Variants in SLIT3 observed in about 807,000 individuals in gnomAD.
The protein encoded by SLIT3 is slit homolog 3 protein.
In SLIT3, 68 loss-of-function variants were observed where a neutral mutation model predicts 184.0. The ratio of observed to expected loss-of-function variants is 0.37; its 90% CI spans 0.30 to 0.45. The LOEUF (loss-of-function observed/expected upper bound fraction) is 0.45. SLIT3 is among the 20% of genes least tolerant of loss of function. SLIT3 has a pLI of 1.00. For missense variants in SLIT3, 1,707 were observed against 2,026.0 expected (o/e 0.84, Z 3.02); for synonymous variants, 831 against 828.6 (o/e 1.00, Z -0.05).
chr5:168,953,004 C>T (rs543869668), intron 4 of SLIT3, among the ~76,000 whole-genome samples: 11 of 152,218 alleles, frequency 7.2e-5, no homozygotes, highest in Admixed American at 1.3e-4. Context: ...TTGCTGAGGA[C>T]GGGTCGGGGA....
intron 1 of SLIT3, among the ~76,000 whole-genome samples, chr5:169,299,693 T>G (rs1767622424): frequency 6.6e-6 from 1 of 152,050 alleles, no homozygotes; most frequent in Non-Finnish European, 1.5e-5. Context: ...ATATGAAAAG[T>G]AAATATTTGG....
At chr5:169,049,127 G>A (rs1375254977) in intron 4 of SLIT3, among the ~76,000 whole-genome samples, 1 of 152,220 alleles carries the variant, frequency 6.6e-6, no homozygotes, top group African/African-American at 2.4e-5. Context: ...CAAGACCTAT[G>A]TCACATGAGC....
chr5:169,097,254 C>G (rs1405246023), intron 4 of SLIT3, among the ~76,000 whole-genome samples: 1 of 152,192 alleles, frequency 6.6e-6, no homozygotes, highest in Non-Finnish European at 1.5e-5. Flanking sequence ...CTCTCTCTGC[C>G]TAGAAATCCT....
At chr5:168,906,543 G>A (rs1017694368) in intron 4 of SLIT3, among the ~76,000 whole-genome samples, 2 of 152,184 alleles carry the variant, frequency 1.3e-5, no homozygotes, top group African/African-American at 2.4e-5. Context: ...GAATGCAAGT[G>A]CATCAGAAAA....
At chr5:168,784,332 T>C (rs572146516) in intron 12 of SLIT3, among the ~76,000 whole-genome samples, 3 of 152,112 alleles carry the variant, frequency 2.0e-5, no homozygotes, top group Non-Finnish European at 2.9e-5. Flanking sequence ...TTCTAACACA[T>C]AGCCTTAAAA....
chr5:169,254,854 T>A (rs1026583418), intron 1 of SLIT3, among the ~76,000 whole-genome samples: 3 of 152,214 alleles, frequency 2.0e-5, no homozygotes, highest in Non-Finnish European at 4.4e-5. Flanking sequence ...CACCATCTGG[T>A]TATAACTTAT....
chr5:169,097,356 T>C (rs1759827303), intron 4 of SLIT3, among the ~76,000 whole-genome samples: 1 of 150,296 alleles, frequency 6.7e-6, no homozygotes, highest in African/African-American at 2.5e-5. Context: ...GGAAGATGGA[T>C]AGATAAATGG....
intron 4 of SLIT3, among the ~76,000 whole-genome samples, chr5:168,970,228 G>A (rs2113318909): frequency 6.6e-6 from 1 of 151,936 alleles, no homozygotes; most frequent in African/African-American, 2.4e-5. Context: ...AGGCGTGGTG[G>A]CTGACACCTG....
intron 4 of SLIT3, among the ~76,000 whole-genome samples, chr5:168,950,427 T>C (rs991209775): frequency 6.6e-6 from 1 of 152,226 alleles, no homozygotes; most frequent in Admixed American, 6.5e-5. Flanking sequence ...TGCATGTTAA[T>C]ATATAGAGCA....
At position 168,873,109 on chromosome 5, in the gene SLIT3, T is replaced by C. The variant is rs545538065; in HGVS notation, c.485+10156A>G. ...TCTGCTGTTTCCTTCCAGGCATCCCTCCATGCTCACCAAATCTCAGGGTTT... is the reference window on the plus strand; with the variant it reads ...TCTGCTGTTTCCTTCCAGGCATCCCCCCATGCTCACCAAATCTCAGGGTTT... On this transcript the variant is annotated intron_variant, in intron 5 of 35. Transcript: ENST00000519560. 3.9e-4 allele frequency among the ~76,000 whole-genome samples: 59 copies of C among 152,236 alleles called. No individual in the cohort carries two copies. In the Middle Eastern group the frequency reaches 0.014, roughly 35 times the overall value.
chr5:169,123,766 G>T (rs1026389892), intron 4 of SLIT3, among the ~76,000 whole-genome samples: 2 of 152,236 alleles, frequency 1.3e-5, no homozygotes, highest in Admixed American at 1.3e-4. Context: ...CCAAGAGGTG[G>T]AAGGGGTCCA....
intron 4 of SLIT3, among the ~76,000 whole-genome samples, chr5:169,020,033 A>G (rs1031512193): frequency 3.3e-5 from 5 of 152,216 alleles, no homozygotes; most frequent in Admixed American, 1.3e-4. Context: ...TTTTTGTAAT[A>G]AAGTTTTATC....
intron 1 of SLIT3, among the ~76,000 whole-genome samples, chr5:169,258,189 C>A (rs937946375): frequency 2.0e-5 from 3 of 152,142 alleles, no homozygotes; most frequent in African/African-American, 4.8e-5. Context: ...TGAACCTGGG[C>A]TCTCTGAATG....
intron 4 of SLIT3, among the ~76,000 whole-genome samples, chr5:168,961,703 T>C (rs1410912571): frequency 6.6e-6 from 1 of 152,056 alleles, no homozygotes; most frequent in East Asian, 1.9e-4. Flanking sequence ...TTAGTAGAAT[T>C]GGTAAAAAGC....
intron 4 of SLIT3, among the ~76,000 whole-genome samples, chr5:169,033,300 A>G (rs532974386): frequency 6.6e-6 from 1 of 152,248 alleles, no homozygotes; most frequent in Non-Finnish European, 1.5e-5. Context: ...TTTAGGGCTG[A>G]ATAATATTCC....
intron 5 of SLIT3, among the ~76,000 whole-genome samples, chr5:168,881,657 C>T (rs1759957419): frequency 6.6e-6 from 1 of 152,156 alleles, no homozygotes; most frequent in Non-Finnish European, 1.5e-5. Context: ...TTCATGTGAA[C>T]AGTCTTGAGT....
chr5:169,067,875 G>A (rs921505752), intron 4 of SLIT3, among the ~76,000 whole-genome samples: 8 of 152,168 alleles, frequency 5.3e-5, no homozygotes, highest in African/African-American at 1.7e-4. Flanking sequence ...TTAGGCCAGC[G>A]GCTGCTAACG....
chr5:169,049,716 G>A (rs1381068529), intron 4 of SLIT3, among the ~76,000 whole-genome samples: 1 of 152,180 alleles, frequency 6.6e-6, no homozygotes, highest in Admixed American at 6.5e-5. Context: ...GTGACATTAA[G>A]ATACATAAAC....
intron 3 of SLIT3, among the ~76,000 whole-genome samples, chr5:169,220,335 T>A (rs1764580158): frequency 6.6e-6 from 1 of 150,778 alleles, no homozygotes; most frequent in Non-Finnish European, 1.5e-5. Flanking sequence ...AAAAAAAAGC[T>A]TAAATTTTTA....
Sources: gnomAD v4.1 joint callset for allele counts (sites outside exome capture counted in the v4.1 genomes callset) on GRCh38, gnomAD v4.1.1 for gene constraint, MANE v1.5 for transcripts, NCBI Gene and HGNC (gene_info 2026-07-23, HGNC 2026-07-21) for gene names.